Variants in SUSD3 observed in about 807,000 individuals in gnomAD.
SUSD3 encodes the protein sushi domain-containing protein 3.
SUSD3 carries 18 observed loss-of-function variants against 20.6 expected under a neutral mutation model. The observed-to-expected ratio is 0.87, with a 90% CI of 0.60 to 1.30. The LOEUF (loss-of-function observed/expected upper bound fraction) is 1.30. Among genes scored for constraint, SUSD3 ranks in the 50% most tolerant of loss-of-function variants. The pLI is 0.00. For synonymous variants in SUSD3, 137 were observed against 141.5 expected, an observed-to-expected ratio of 0.97 and a Z score of 0.23; for missense variants, 306 against 346.9, an observed-to-expected ratio of 0.88 and a Z score of 0.94.
At chr9:93,081,341 C>G (rs1826406149) in intron 4 of SUSD3, among the ~76,000 whole-genome samples, 1 of 152,186 alleles carries the variant, frequency 6.6e-6, no homozygotes, top group Non-Finnish European at 1.5e-5. Context: ...CCTTCAGGCC[C>G]TCCTGCTGGA....
At chr9:93,081,699 C>A (rs1035502495) in intron 4 of SUSD3, among the ~76,000 whole-genome samples, 1 of 152,128 alleles carries the variant, frequency 6.6e-6, no homozygotes, top group Non-Finnish European at 1.5e-5. Context: ...CCTTTCCTGA[C>A]GCTTCAAGTG....
At chr9:93,067,638 C>T (rs1014761739) in intron 1 of SUSD3, among the ~76,000 whole-genome samples, 7 of 150,716 alleles carry the variant, frequency 4.6e-5, no homozygotes, top group Admixed American at 2.6e-4. Context: ...CTTGCTCTGT[C>T]CCAGGCTGGA....
chr9:93,058,780 G>A lies in SUSD3; in HGVS notation c.38G>A (p.Arg13Lys). The change falls in exon 1 of 5, where the codon AGG (arginine) becomes AAG (lysine). Residue 13 changes from arginine to lysine, a missense_variant. By Grantham distance (26) the Arg-to-Lys change is conservative (BLOSUM62 2). Transcript: ENST00000375472. ...GCCGCCACCCTCCGTGGCAAGGCGA[G>A]GCCCCGGGGGCGGGCCGGGGTCACC... ...WAAATLRGKA[R>K]PRGRAGVTTP... The A allele has an allele frequency of 8.1e-7, 1 of 1,239,772 alleles. No individual in the cohort carries two copies. Among genetic ancestry groups the A allele is most frequent in the Non-Finnish European group, 1.0e-6 (1 of 991,814 alleles). 76.8% of individuals were successfully genotyped at this position (1,239,772 alleles called of 1,614,324 possible).
chr9:93,063,128 A>C (rs1825572986), intron 1 of SUSD3, among the ~76,000 whole-genome samples: 1 of 152,158 alleles, frequency 6.6e-6, no homozygotes, highest in African/African-American at 2.4e-5. Context: ...TCAGGAAAGG[A>C]GTACAGGAGA....
intron 1 of SUSD3, among the ~76,000 whole-genome samples, chr9:93,070,285 A>T (rs73514197): frequency 0.097 from 14,716 of 152,190 alleles, 2,051 homozygotes; most frequent in African/African-American, 0.31. Flanking sequence ...CACCTCTCTG[A>T]GCCTTATCTG....
intron 1 of SUSD3, among the ~76,000 whole-genome samples, chr9:93,063,293 C>A (rs2118906759): frequency 6.6e-6 from 1 of 152,286 alleles, no homozygotes; most frequent in East Asian, 1.9e-4. Flanking sequence ...CAAGCCCTGA[C>A]CTAGGGAGTG....
At chr9:93,069,743 T>G (rs1334808058) in intron 1 of SUSD3, among the ~76,000 whole-genome samples, 1 of 152,134 alleles carries the variant, frequency 6.6e-6, no homozygotes, top group Non-Finnish European at 1.5e-5. Context: ...ATATACGAAA[T>G]CATGTCATCT....
intron 1 of SUSD3, among the ~76,000 whole-genome samples, chr9:93,073,294 T>A (rs1825985581): frequency 6.7e-6 from 1 of 148,622 alleles, no homozygotes; most frequent in South Asian, 2.1e-4. Context: ...TCGCCCAGGC[T>A]GGAGTGCAGT....
In SUSD3 at chr9:93,075,974, T is replaced by C. The variant is rs1185614800; in HGVS notation, c.277+2T>C. On this transcript the variant is annotated splice_donor_variant, in intron 2 of 4. Transcript: ENST00000375472. LOFTEE classifies it high-confidence loss of function. ...CTTCAGGGTCCCCAGTGTGCAAACG[T>C]AAGGACCCCTCTCTCAGCTCGGTGG... 6.3e-7 allele frequency: 1 copy of C among 1,585,384 alleles called. No homozygotes were observed. The highest frequency in any genetic ancestry group is 8.6e-7 in the Non-Finnish European group (1 of 1,161,022).
At chr9:93,063,459 T>A (rs1002610588) in intron 1 of SUSD3, among the ~76,000 whole-genome samples, 1 of 152,126 alleles carries the variant, frequency 6.6e-6, no homozygotes, top group Admixed American at 6.5e-5. Context: ...ATGGGTCTTG[T>A]CAGGATCAGA....
At position 93,084,846 on chromosome 9, in the gene SUSD3, G is replaced by T; in HGVS notation, c.*99G>T. ...TCCACATCAACTCCACATGCGCCCA[G>T]CTCGAGACTGATGAGTGGAATCAGC... On this transcript the variant is annotated 3_prime_UTR_variant, in exon 5 of 5. Coordinates refer to ENST00000375472, the MANE Select transcript of SUSD3 (RefSeq NM_145006.4). The T allele has an allele frequency of 9.0e-7, 1 of 1,111,712 alleles. No homozygotes were observed. Among genetic ancestry groups the T allele is most frequent in the East Asian group, 2.9e-5 (1 of 34,872 alleles). 68.9% of individuals were successfully genotyped at this position (1,111,712 alleles called of 1,614,324 possible).
chr9:93,066,318 C>T (rs1032163453), intron 1 of SUSD3, among the ~76,000 whole-genome samples: 16 of 152,238 alleles, frequency 1.1e-4, no homozygotes, highest in Non-Finnish European at 1.8e-4. Flanking sequence ...ACTGCAACCT[C>T]CACCTCCCAG....
chr9:93,059,262 C>G (rs1368619437), intron 1 of SUSD3, among the ~76,000 whole-genome samples: 1 of 152,164 alleles, frequency 6.6e-6, no homozygotes, highest in African/African-American at 2.4e-5. Flanking sequence ...GAGGTGTCAT[C>G]TTCACGATTC....
At chr9:93,076,757 A>G (rs1358952547) in intron 2 of SUSD3, among the ~76,000 whole-genome samples, 1 of 152,236 alleles carries the variant, frequency 6.6e-6, no homozygotes, top group African/African-American at 2.4e-5. Flanking sequence ...ATGGAGCTCA[A>G]CCTTCAGGGT....
At chr9:93,071,421 G>A (rs947430496) in intron 1 of SUSD3, among the ~76,000 whole-genome samples, 9 of 152,198 alleles carry the variant, frequency 5.9e-5, no homozygotes, top group Non-Finnish European at 1.3e-4. Flanking sequence ...ATGTTCAAAG[G>A]CAGGAAGCAT....
At position 93,073,574 on chromosome 9, in the gene SUSD3, C is replaced by G. The variant is rs569069300; in HGVS notation, c.89-2210C>G. 5.3e-5 allele frequency among the ~76,000 whole-genome samples: 8 copies of G among 152,240 alleles called. No individual in the cohort carries two copies. The East Asian group carries it at 1.5e-3, about 29-fold the overall frequency. On this transcript the variant is annotated intron_variant, in intron 1 of 4. Coordinates refer to ENST00000375472, the MANE Select transcript of SUSD3 (RefSeq NM_145006.4). The stretch of plus-strand genomic sequence containing the variant: ...GTCCCTGTTCTTTACCTGTGATGCA[C>G]CAGCGGTCCACTGTCAATGCCCAAA...
At chr9:93,080,451 G>C (rs1826369526) in intron 4 of SUSD3, among the ~76,000 whole-genome samples, 1 of 152,136 alleles carries the variant, frequency 6.6e-6, no homozygotes, top group Admixed American at 6.6e-5. Flanking sequence ...AAACTGGTAT[G>C]GGCCTTCAGT....
intron 1 of SUSD3, among the ~76,000 whole-genome samples, chr9:93,072,105 G>C (rs530760387): frequency 6.6e-6 from 1 of 152,128 alleles, no homozygotes; most frequent in Non-Finnish European, 1.5e-5. Context: ...TAGGCCCCCA[G>C]TGTTGTCTGT....
At chr9:93,061,874 A>ACTCTCTCCC in intron 1 of SUSD3, among the ~76,000 whole-genome samples, 1 of 152,208 alleles carries the variant, frequency 6.6e-6, no homozygotes, top group East Asian at 1.9e-4. Flanking sequence ...GACTGGGTTC[A>ACTCTCTCCC]GCAGCCTGCC....
Sources: gnomAD v4.1 joint callset for allele counts (sites outside exome capture counted in the v4.1 genomes callset) on GRCh38, gnomAD v4.1.1 for gene constraint, MANE v1.5 for transcripts, NCBI Gene and HGNC (gene_info 2026-07-23, HGNC 2026-07-21) for gene names.